Variants in MAML3 observed in about 807,000 individuals in gnomAD.
MAML3 encodes the protein mastermind like transcriptional coactivator 3.
In MAML3, 27 loss-of-function variants were observed where a neutral mutation model predicts 101.9. The observed-to-expected ratio is 0.27, with a 90% CI of 0.20 to 0.37. The LOEUF is 0.37. MAML3 is among the 10% of genes least tolerant of loss of function. The pLI is 1.00. For synonymous variants in MAML3, 501 were observed against 555.9 expected, an observed-to-expected ratio of 0.90 and a Z score of 1.39; for missense variants, 1,316 against 1,444.9, an observed-to-expected ratio of 0.91 and a Z score of 1.45.
chr4:139,889,665 T>A lies in MAML3; in HGVS notation c.1771A>T (p.Asn591Tyr). 6.2e-7 allele frequency: 1 copy of A among 1,614,014 alleles called. No homozygotes were observed. The highest frequency in any genetic ancestry group is 8.5e-7 in the Non-Finnish European group (1 of 1,179,898). ...QPNNLGTNSL[N>Y]KQHNILTYGN... Reference sequence around the variant, plus strand: ...TAAGTCAGAATATTGTGCTGTTTGTTTAAGGAGTTTGTACCCAAGTTATTT... The same window carrying A: ...TAAGTCAGAATATTGTGCTGTTTGTATAAGGAGTTTGTACCCAAGTTATTT... Residue 591 changes from asparagine to tyrosine, a missense_variant, in exon 2 of 5, where the codon AAC becomes TAC. Transcript: ENST00000509479.
intron 2 of MAML3, among the ~76,000 whole-genome samples, chr4:139,766,902 C>T (rs1202335127): frequency 6.6e-6 from 1 of 152,148 alleles, no homozygotes; most frequent in Non-Finnish European, 1.5e-5. Context: ...ACGTTAAGTG[C>T]GAGGCTGAGC....
intron 1 of MAML3, among the ~76,000 whole-genome samples, chr4:139,955,460 G>A (rs899719216): frequency 9.9e-5 from 15 of 152,054 alleles, no homozygotes; most frequent in Non-Finnish European, 1.9e-4. Flanking sequence ...GGTCCAAAAA[G>A]GATAAGGTGA....
At chr4:140,094,947 G>C (rs1728131437) in intron 1 of MAML3, among the ~76,000 whole-genome samples, 1 of 152,212 alleles carries the variant, frequency 6.6e-6, no homozygotes, top group African/African-American at 2.4e-5. Flanking sequence ...TGGCAGCCCA[G>C]TGGAGGTCTG....
intron 1 of MAML3, among the ~76,000 whole-genome samples, chr4:140,027,103 C>T (rs754968611): frequency 5.9e-5 from 9 of 151,776 alleles, no homozygotes; most frequent in Non-Finnish European, 1.3e-4. Context: ...AGTGAGTTTG[C>T]ACTGGCTGAG....
intron 2 of MAML3, among the ~76,000 whole-genome samples, chr4:139,887,373 T>C (rs183773255): frequency 6.6e-6 from 1 of 152,378 alleles, no homozygotes; most frequent in African/African-American, 2.4e-5. Flanking sequence ...GAACATTCTG[T>C]CCACACTGAA....
chr4:140,076,497 G>GA (rs1358218513), intron 1 of MAML3, among the ~76,000 whole-genome samples: 1 of 152,184 alleles, frequency 6.6e-6, no homozygotes, highest in Admixed American at 6.5e-5. Flanking sequence ...ATCCTGTACT[G>GA]ACTCTGCAGT....
intron 2 of MAML3, among the ~76,000 whole-genome samples, chr4:139,781,385 G>A (rs1334230272): frequency 1.3e-5 from 2 of 151,914 alleles, no homozygotes; most frequent in African/African-American, 4.8e-5. Context: ...TTAAAAGGTC[G>A]AGGTATGCTG....
rs1199934746 is a variant in MAML3, at chr4:139,717,115, A to AAAT, written c.*2205_*2207dup. ...TGCAGTATTGTAAAAACTTATGTAC[A>AAAT]AATAACTTTTTTTAGACATTACATA... On this transcript the variant is annotated 3_prime_UTR_variant, in exon 5 of 5. Coordinates refer to ENST00000509479, the MANE Select transcript of MAML3 (RefSeq NM_018717.5). The AAAT allele has an allele frequency of 2.6e-5, 4 of 152,536 alleles. No individual in the cohort carries two copies. The highest frequency in any genetic ancestry group is 2.0e-4 in the Admixed American group (3 of 15,282). 9.4% of individuals were successfully genotyped at this position (152,536 alleles called of 1,614,324 possible).
chr4:140,064,480 A>G (rs1379211307), intron 1 of MAML3, among the ~76,000 whole-genome samples: 1 of 152,202 alleles, frequency 6.6e-6, no homozygotes, highest in Non-Finnish European at 1.5e-5. Flanking sequence ...TGATGTGTAA[A>G]TGTTTCTGTT....
intron 1 of MAML3, among the ~76,000 whole-genome samples, chr4:139,969,538 T>A (rs1159833234): frequency 6.6e-6 from 1 of 152,144 alleles, no homozygotes; most frequent in Non-Finnish European, 1.5e-5. Flanking sequence ...AACTTTTCAT[T>A]TGGGTATTAA....
intron 2 of MAML3, among the ~76,000 whole-genome samples, chr4:139,872,418 T>A (rs1273986932): frequency 6.6e-6 from 1 of 152,188 alleles, no homozygotes; most frequent in Non-Finnish European, 1.5e-5. Flanking sequence ...TGTGCATGCA[T>A]CTTGCTGTGA....
At chr4:140,136,147 T>C (rs549231780) in intron 1 of MAML3, among the ~76,000 whole-genome samples, 1 of 152,280 alleles carries the variant, frequency 6.6e-6, no homozygotes, top group African/African-American at 2.4e-5. Context: ...CTCTCCCCAC[T>C]CATTCCTGGG....
chr4:140,060,376 A>AAAAAAAAAAAAAAAAAAAAAAAAAAAAAT (rs1560880616), intron 1 of MAML3, among the ~76,000 whole-genome samples: 1 of 146,594 alleles, frequency 6.8e-6, no homozygotes, highest in Non-Finnish European at 1.5e-5. Context: ...AAAAAAAAAA[A>AAAAAAAAAAAAAAAAAAAAAAAAAAAAAT]AAAAAAAAAG....
At chr4:140,068,834 T>C (rs940171734) in intron 1 of MAML3, among the ~76,000 whole-genome samples, 24 of 152,310 alleles carry the variant, frequency 1.6e-4, no homozygotes, top group African/African-American at 5.3e-4. Context: ...GGCCACTCTC[T>C]AGTACATAGT....
At chr4:139,912,330 C>T (rs1008713721) in intron 1 of MAML3, among the ~76,000 whole-genome samples, 2 of 151,946 alleles carry the variant, frequency 1.3e-5, no homozygotes, top group Non-Finnish European at 2.9e-5. Flanking sequence ...GACCTTGACA[C>T]AAGGTTATCA....
At chr4:139,967,530 C>T (rs1224969985) in intron 1 of MAML3, among the ~76,000 whole-genome samples, 1 of 150,832 alleles carries the variant, frequency 6.6e-6, no homozygotes, top group East Asian at 1.9e-4. Context: ...TTCTTCATCC[C>T]CGGCAGTTTC....
rs940028303 is a variant in MAML3 at position 140,153,387 on chromosome 4, C to T, written c.-60G>A. ...TTTTTATCCACCCCCCTATCAGCCT[C>T]CTCCTTGGGTCCAAGGATTAAAATA... On this transcript the variant is annotated 5_prime_UTR_variant, in exon 1 of 5. Coordinates refer to ENST00000509479, the MANE Select transcript of MAML3 (RefSeq NM_018717.5). 3.4e-6 allele frequency: 5 copies of T among 1,490,170 alleles called. No homozygotes were observed. Among genetic ancestry groups the T allele is most frequent in the Admixed American group, 4.7e-5 (2 of 42,164 alleles). 92.3% of individuals were successfully genotyped at this position (1,490,170 alleles called of 1,614,324 possible). A position where few individuals can be genotyped will look rare whatever the true frequency, so the allele number is the denominator to read the frequency against.
At chr4:139,746,516 C>T (rs940886299) in intron 2 of MAML3, among the ~76,000 whole-genome samples, 1 of 152,198 alleles carries the variant, frequency 6.6e-6, no homozygotes. Context: ...GAAATTACCA[C>T]TGGGCTCTGG....
At chr4:139,878,891 G>A (rs795976) in intron 2 of MAML3, among the ~76,000 whole-genome samples, 98,712 of 151,948 alleles carry the variant, frequency 0.65, 32,919 homozygotes, top group Non-Finnish European at 0.73. Flanking sequence ...ATTCCTTTGC[G>A]GTCTGTCTTT....
Sources: allele counts gnomAD v4.1 joint callset (sites outside exome capture counted in the v4.1 genomes callset), GRCh38; gene constraint gnomAD v4.1.1; transcripts MANE v1.5; gene names NCBI Gene and HGNC (gene_info 2026-07-23, HGNC 2026-07-21).